The following ADGRB3 variants were observed in gnomAD, a reference collection of about 807,000 sequenced individuals.
ADGRB3 encodes the protein adhesion G protein-coupled receptor B3, also known as brain-specific angiogenesis inhibitor 3.
A neutral mutation model predicts 193.4 loss-of-function variants in ADGRB3; 37 were observed. The observed-to-expected ratio is 0.19, with a 90% confidence interval of 0.15 to 0.25. The LOEUF is 0.25. ADGRB3 is among the 10% of genes least tolerant of loss of function. The pLI is 1.00. For missense variants in ADGRB3, 1,637 were observed against 1,852.9 expected (o/e 0.88, Z 2.14); for synonymous variants, 690 against 644.2 (o/e 1.07, Z -1.08).
At chr6:69,368,964 C>T (rs937420176) in intron 29 of ADGRB3, among the ~76,000 whole-genome samples, 1 of 151,976 alleles carries the variant, frequency 6.6e-6, no homozygotes, top group African/African-American at 2.4e-5. Context: ...GTTTCCATTA[C>T]CTACTTTGAG....
At chr6:69,205,618 T>C (rs1169718618) in intron 17 of ADGRB3, among the ~76,000 whole-genome samples, 3 of 152,048 alleles carry the variant, frequency 2.0e-5, no homozygotes, top group Non-Finnish European at 4.4e-5. Flanking sequence ...GGTGATCCCA[T>C]GGTGAAATGT....
chr6:68,767,448 T>G (rs888856808), intron 3 of ADGRB3, among the ~76,000 whole-genome samples: 3 of 152,216 alleles, frequency 2.0e-5, no homozygotes, highest in Non-Finnish European at 2.9e-5. Flanking sequence ...ACTACATGAT[T>G]ATCTTATTAG....
At chr6:68,775,434 A>G (rs1394871671) in intron 3 of ADGRB3, among the ~76,000 whole-genome samples, 1 of 152,126 alleles carries the variant, frequency 6.6e-6, no homozygotes, top group African/African-American at 2.4e-5. Flanking sequence ...CAGGGAGAAG[A>G]CAAGATTAAG....
chr6:69,335,989 G>GT (rs919226977), intron 24 of ADGRB3, among the ~76,000 whole-genome samples: 9 of 151,860 alleles, frequency 5.9e-5, no homozygotes, highest in African/African-American at 2.2e-4. Context: ...TAATACAATA[G>GT]TTTAACAAGT....
chr6:68,798,351 T>C (rs1177311320), intron 3 of ADGRB3, among the ~76,000 whole-genome samples: 2 of 152,166 alleles, frequency 1.3e-5, no homozygotes, highest in African/African-American at 4.8e-5. Flanking sequence ...TAAGGAGTTA[T>C]CAGGTTAGTA....
At chr6:68,730,494 A>G (rs1358873638) in intron 3 of ADGRB3, among the ~76,000 whole-genome samples, 4 of 151,684 alleles carry the variant, frequency 2.6e-5, no homozygotes, top group Non-Finnish European at 5.9e-5. Flanking sequence ...CAGAAGAAAG[A>G]ATGAGAAAAT....
chr6:69,144,376 C>G (rs1230782858), intron 17 of ADGRB3, among the ~76,000 whole-genome samples: 2 of 152,026 alleles, frequency 1.3e-5, no homozygotes, highest in Non-Finnish European at 2.9e-5. Flanking sequence ...TGACTTTTTC[C>G]TTTCCAATTT....
At chr6:69,274,044 A>G (rs991364171) in intron 20 of ADGRB3, among the ~76,000 whole-genome samples, 15 of 152,178 alleles carry the variant, frequency 9.9e-5, no homozygotes. Flanking sequence ...AAATGTGAAT[A>G]GAGACATCCA....
At chr6:69,320,536 C>A (rs1312777342) in intron 20 of ADGRB3, among the ~76,000 whole-genome samples, 2 of 151,428 alleles carry the variant, frequency 1.3e-5, no homozygotes, top group African/African-American at 4.8e-5. Flanking sequence ...AGGTAATTAA[C>A]TTCAAAATTT....
At chr6:68,678,290 A>G (rs2127297045) in intron 3 of ADGRB3, among the ~76,000 whole-genome samples, 1 of 152,338 alleles carries the variant, frequency 6.6e-6, no homozygotes, top group African/African-American at 2.4e-5. Context: ...AGTATTAATG[A>G]ATCCATCCAT....
intron 3 of ADGRB3, among the ~76,000 whole-genome samples, chr6:68,694,337 G>A (rs1385699572): frequency 6.6e-6 from 1 of 151,980 alleles, no homozygotes; most frequent in Non-Finnish European, 1.5e-5. Flanking sequence ...AAGATGTATA[G>A]ATCCATTTAG....
chr6:68,971,178 G>GA (rs1768557336), intron 8 of ADGRB3, among the ~76,000 whole-genome samples: 2 of 151,932 alleles, frequency 1.3e-5, no homozygotes, highest in Non-Finnish European at 2.9e-5. Flanking sequence ...CAAATATTCA[G>GA]AAAAAAATGA....
At chr6:69,021,357 A>G (rs901650411) in intron 13 of ADGRB3, among the ~76,000 whole-genome samples, 1 of 151,910 alleles carries the variant, frequency 6.6e-6, no homozygotes, top group South Asian at 2.1e-4. Context: ...GGAGTTGAAC[A>G]GTCAAATATG....
intron 3 of ADGRB3, among the ~76,000 whole-genome samples, chr6:68,739,769 TATTCA>T (rs1221603845): frequency 1.3e-5 from 2 of 152,194 alleles, no homozygotes; most frequent in African/African-American, 4.8e-5. Flanking sequence ...AATGTTTACA[TATTCA>T]AATTGTAGGT....
At chr6:69,177,426 G>A (rs1033705068) in intron 17 of ADGRB3, among the ~76,000 whole-genome samples, 4 of 151,604 alleles carry the variant, frequency 2.6e-5, no homozygotes, top group Non-Finnish European at 4.4e-5. Context: ...GCGCCGTCTC[G>A]GCTCACTGCA....
intron 11 of ADGRB3, among the ~76,000 whole-genome samples, chr6:69,012,278 T>A (rs1685913348): frequency 6.6e-6 from 1 of 152,000 alleles, no homozygotes; most frequent in Non-Finnish European, 1.5e-5. Flanking sequence ...GTTCTCTTGG[T>A]GTCTCTTGTT....
chr6:68,751,991 C>A (rs1766208413), intron 3 of ADGRB3, among the ~76,000 whole-genome samples: 1 of 152,098 alleles, frequency 6.6e-6, no homozygotes, highest in South Asian at 2.1e-4. Flanking sequence ...TTATCATTAG[C>A]TTACTATTCA....
At chr6:69,148,884 A>G (rs1020914954) in intron 17 of ADGRB3, among the ~76,000 whole-genome samples, 80 of 152,102 alleles carry the variant, frequency 5.3e-4, no homozygotes, top group Non-Finnish European at 8.8e-5. Flanking sequence ...GTAAGGTTTC[A>G]TTGAAAAGTC....
intron 24 of ADGRB3, among the ~76,000 whole-genome samples, chr6:69,333,870 C>T (rs1237842569): frequency 1.3e-5 from 2 of 150,710 alleles, no homozygotes; most frequent in Admixed American, 6.6e-5. Context: ...GCGGAGCTTG[C>T]AGAGAGCCAA....
Sources: gnomAD v4.1 joint callset for allele counts (sites outside exome capture counted in the v4.1 genomes callset) on GRCh38, gnomAD v4.1.1 for gene constraint, MANE v1.5 for transcripts, NCBI Gene and HGNC (gene_info 2026-07-23, HGNC 2026-07-21) for gene names.